The following CAPN2 variants were observed in gnomAD, a reference collection of about 807,000 sequenced individuals.
CAPN2 encodes the protein calpain 2.
A neutral mutation model predicts 102.3 loss-of-function variants in CAPN2; 92 were observed. The ratio of observed to expected loss-of-function variants is 0.90; its 90% CI spans 0.76 to 1.07. The LOEUF is 1.07. CAPN2 is among the 50% of genes least tolerant of loss of function. The pLI is 0.00. For missense variants in CAPN2, 800 were observed against 909.4 expected (o/e 0.88, Z 1.55); for synonymous variants, 340 against 355.4 (o/e 0.96, Z 0.49).
intron 4 of CAPN2, among the ~76,000 whole-genome samples, chr1:223,745,990 G>A (rs2102797906): frequency 6.6e-6 from 1 of 152,320 alleles, no homozygotes; most frequent in African/African-American, 2.4e-5. Flanking sequence ...TTCCCACCCA[G>A]GTTGCCCACA....
At chr1:223,736,963 C>T (rs958454288) in intron 2 of CAPN2, among the ~76,000 whole-genome samples, 23 of 151,906 alleles carry the variant, frequency 1.5e-4, no homozygotes, top group African/African-American at 5.3e-4. Context: ...CACTTGAGCC[C>T]GGGAGGTCAA....
chr1:223,774,849 G>GTACTT lies in CAPN2; in HGVS notation c.2097_2101dup (p.Ter701TyrfsTer14). 1 of 1,612,998 alleles carries GTACTT rather than the reference G, an allele frequency of 6.2e-7. No homozygotes were observed. The highest frequency in any genetic ancestry group is 1.3e-5 in the African/African-American group (1 of 74,930). Reference sequence around the variant, plus strand: ...TTCCTCACAGTGGCTCTGTTTCTCAGTACTTTGAAGTTATAACTAATCTGC... The same window carrying GTACTT: ...TTCCTCACAGTGGCTCTGTTTCTCAGTACTTTACTTTGAAGTTATAACTAATCTGC... On this transcript the variant is annotated frameshift_variant, in exon 21 of 21. Transcript: ENST00000295006. LOFTEE classifies it high-confidence loss of function.
upstream of CAPN2, among the ~76,000 whole-genome samples, chr1:223,709,609 G>A (rs530622669): frequency 5.0e-4 from 76 of 150,604 alleles, no homozygotes; most frequent in African/African-American, 1.8e-3. Flanking sequence ...GTGGTGAGCC[G>A]AAATTGTGCC....
chr1:223,740,714 T>C (rs1660591454), intron 2 of CAPN2, among the ~76,000 whole-genome samples: 1 of 152,304 alleles, frequency 6.6e-6, no homozygotes, highest in Non-Finnish European at 1.5e-5. Context: ...CTAGCAGATA[T>C]TTAAGAATGT....
chr1:223,746,178 A>G (rs967200567), intron 4 of CAPN2, among the ~76,000 whole-genome samples: 5 of 152,188 alleles, frequency 3.3e-5, no homozygotes, highest in Admixed American at 3.3e-4. Context: ...AGGAGGAGTC[A>G]GCTGTGAGAA....
In CAPN2 at chr1:223,747,133, CA is replaced by C; in HGVS notation, c.702del (p.Gly235AlafsTer25). 6.2e-7 allele frequency: 1 copy of C among 1,613,806 alleles called. No individual in the cohort carries two copies. Among genetic ancestry groups the C allele is most frequent in the Admixed American group, 1.7e-5 (1 of 59,994 alleles). On this transcript the variant is annotated frameshift_variant, in exon 5 of 21. Transcript: ENST00000295006. LOFTEE classifies it high-confidence loss of function. ...GTTCAAGATCATCCAGAAAGCTCTG[CA>C]AAAAGGCTCTCTCCTTGGCTGCTCC... ...NLFKIIQKAL[Q>X]KGSLLGCSID...
intron 18 of CAPN2, chr1:223,770,728 C>A: frequency 2.4e-6 from 1 of 411,444 alleles, no homozygotes; most frequent in Non-Finnish European, 4.4e-6. Context: ...GCCCTCTGTG[C>A]CTTCTTGAAT....
Position 223,727,381 on chromosome 1 carries a change from C to T in CAPN2, c.307+9550C>T, listed in dbSNP as rs141195176. 6.6e-6 allele frequency among the ~76,000 whole-genome samples: 1 copy of T among 152,314 alleles called. No individual in the cohort carries two copies. Among genetic ancestry groups the T allele is most frequent in the East Asian group, 1.9e-4 (1 of 5,178 alleles). On this transcript the variant is annotated intron_variant, in intron 2 of 20. Transcript: ENST00000295006. This position sits in a 1 kb window ranked among gnomAD's most constrained non-coding sequence, Gnocchi z 4.1. Reference sequence around the variant, plus strand: ...GTTTAGCTGCATCCTTGGCCTCTACCCACACACCCCCGTGTGCCACTCAAA... The same window carrying T: ...GTTTAGCTGCATCCTTGGCCTCTACTCACACACCCCCGTGTGCCACTCAAA...
intron 2 of CAPN2, among the ~76,000 whole-genome samples, chr1:223,723,612 A>G (rs1350772879): frequency 6.6e-6 from 1 of 151,974 alleles, no homozygotes; most frequent in Non-Finnish European, 1.5e-5. Flanking sequence ...TCTGCACTTA[A>G]GATCTAAGAT....
At chr1:223,773,984 G>A (rs1359713152) in intron 20 of CAPN2, among the ~76,000 whole-genome samples, 2 of 152,168 alleles carry the variant, frequency 1.3e-5, no homozygotes, top group African/African-American at 4.8e-5. Flanking sequence ...AGTGAGCCAT[G>A]ATCTCCCCAC....
upstream of CAPN2, among the ~76,000 whole-genome samples, chr1:223,708,614 C>T (rs531264805): frequency 6.6e-6 from 1 of 151,582 alleles, no homozygotes; most frequent in Admixed American, 6.6e-5. Context: ...ACTAAAAATA[C>T]AAAAAAATTA....
rs773922618 is a variant in CAPN2, at chr1:223,759,487, C to T, written c.1529+6C>T. 9 of 1,612,686 alleles carry T rather than the reference C, an allele frequency of 5.6e-6. No individual in the cohort carries two copies. The East Asian group carries it at 6.7e-5, about 12-fold the overall frequency. On this transcript the variant is annotated splice_donor_region_variant and intron_variant, in intron 12 of 20. Transcript: ENST00000295006. The surrounding 1 kb of genome is among the most constrained non-coding windows in gnomAD (Gnocchi z 4.6). ...GAAAAGAAAGCTGACTACCAGTAGG[C>T]GGTTTGGTCCCTTCCTCTCCCCACC...
At chr1:223,764,673 T>C (rs1661270103) in intron 15 of CAPN2, among the ~76,000 whole-genome samples, 1 of 152,166 alleles carries the variant, frequency 6.6e-6, no homozygotes, top group Non-Finnish European at 1.5e-5. Context: ...AGGCTGGTCT[T>C]GAACTCCTGA....
chr1:223,719,798 G>T (rs990881994), intron 2 of CAPN2, among the ~76,000 whole-genome samples: 1 of 79,172 alleles, frequency 1.3e-5, no homozygotes, highest in Non-Finnish European at 2.2e-5. Flanking sequence ...TTTCTCAGGG[G>T]TGTGTGCGTG....
intron 2 of CAPN2, among the ~76,000 whole-genome samples, chr1:223,718,372 C>T (rs1466306278): frequency 6.6e-6 from 1 of 152,230 alleles, no homozygotes; most frequent in Non-Finnish European, 1.5e-5. Flanking sequence ...AGTTGTAACG[C>T]TCATTTAAGT....
intron 5 of CAPN2, 115 bp from the exon 6 acceptor site, chr1:223,748,924 G>T: frequency 1.1e-6 from 1 of 915,014 alleles, no homozygotes; most frequent in South Asian, 1.4e-5. Context: ...CCCAGGCCTC[G>T]GCCGCTGCGC....
At chr1:223,738,081 G>T (rs1054641269) in intron 2 of CAPN2, among the ~76,000 whole-genome samples, 6 of 151,970 alleles carry the variant, frequency 3.9e-5, no homozygotes, top group African/African-American at 1.5e-4. Flanking sequence ...TTTTTTTCTA[G>T]CTATGCTTCA....
At chr1:223,706,311 A>C (rs1659604370) in intron 1 of CAPN2, among the ~76,000 whole-genome samples, 1 of 152,234 alleles carries the variant, frequency 6.6e-6, no homozygotes, top group Non-Finnish European at 1.5e-5. Flanking sequence ...AGTGGCATCT[A>C]ACAGGCCTGT....
chr1:223,773,156 A>G (rs928297862), intron 20 of CAPN2: 1 of 152,246 alleles, frequency 6.6e-6, no homozygotes, highest in Non-Finnish European at 1.5e-5. Context: ...AAGTGAAAAT[A>G]TAGTCTATCT....
Sources: allele counts gnomAD v4.1 joint callset (sites outside exome capture counted in the v4.1 genomes callset), GRCh38; gene constraint gnomAD v4.1.1; non-coding constraint Gnocchi (gnomAD v3.1); transcripts MANE v1.5; gene names NCBI Gene and HGNC (gene_info 2026-07-23, HGNC 2026-07-21).